LRRC53: variants seen among roughly 807,000 people sequenced by gnomAD.
LRRC53 encodes leucine-rich repeat-containing protein 53.
A neutral mutation model predicts 13.6 loss-of-function variants in LRRC53; 25 were observed. The observed-to-expected ratio is 1.83, with a 90% confidence interval of 1.34 to 2.56. The LOEUF (loss-of-function observed/expected upper bound fraction) is 2.56. Ranked by LOEUF, LRRC53 falls within the 30% of genes most tolerant of loss-of-function variation. LRRC53 has a pLI of 0.00. For missense variants in LRRC53, 527 were observed against 275.8 expected (o/e 1.91, Z -6.45); for synonymous variants, 204 against 109.8 (o/e 1.86, Z -5.37).
chr1:74,528,396 G>A, the LRRC53 span, among the ~76,000 whole-genome samples: 2 of 152,104 alleles, frequency 1.3e-5, no homozygotes, highest in East Asian at 1.9e-4. Context: ...GGGAATAGGC[G>A]GGTAGGTGTC....
chr1:74,511,596 T>C (rs1368437389), intron 1 of LRRC53, among the ~76,000 whole-genome samples: 1 of 152,124 alleles, frequency 6.6e-6, no homozygotes, highest in African/African-American at 2.4e-5. Context: ...CTCTTATATA[T>C]TGAATCATGT....
At chr1:74,518,691 A>C in the LRRC53 span, among the ~76,000 whole-genome samples, 1 of 152,056 alleles carries the variant, frequency 6.6e-6, no homozygotes, top group African/African-American at 2.4e-5. Context: ...CTGTTTTTTA[A>C]GCTCAAAATT....
At chr1:74,515,762 A>T (rs1230088847), upstream of LRRC53, among the ~76,000 whole-genome samples, 1 of 152,222 alleles carries the variant, frequency 6.6e-6, no homozygotes, top group Non-Finnish European at 1.5e-5. Flanking sequence ...TAGGTCAAAA[A>T]ATAAGTATGA....
intron 4 of LRRC53, among the ~76,000 whole-genome samples, chr1:74,472,449 T>A (rs2100740642): frequency 6.6e-6 from 1 of 152,316 alleles, no homozygotes; most frequent in African/African-American, 2.4e-5. Flanking sequence ...GAGTTAGAAA[T>A]ATAAATGTTA....
intron 1 of LRRC53, among the ~76,000 whole-genome samples, chr1:74,505,299 G>C (rs1669836532): frequency 6.6e-6 from 1 of 152,180 alleles, no homozygotes; most frequent in Admixed American, 6.5e-5. Context: ...TATACAGGCA[G>C]CACTGTGTTC....
the LRRC53 span, among the ~76,000 whole-genome samples, chr1:74,525,128 G>C: frequency 6.6e-6 from 1 of 152,188 alleles, no homozygotes; most frequent in Non-Finnish European, 1.5e-5. Flanking sequence ...ATTGGGGAGA[G>C]AGAAGCTGAG....
chr1:74,518,836 CCTTA>C, the LRRC53 span, among the ~76,000 whole-genome samples: 3 of 142,462 alleles, frequency 2.1e-5, no homozygotes, highest in Admixed American at 2.0e-4. Context: ...AAACAAATTA[CCTTA>C]CTTTATTTTT....
the LRRC53 span, among the ~76,000 whole-genome samples, chr1:74,524,384 G>T: frequency 6.6e-6 from 1 of 152,194 alleles, no homozygotes; most frequent in Non-Finnish European, 1.5e-5. Context: ...ACCTGACACT[G>T]TGCGGACTCC....
chr1:74,488,845 C>T (rs1396759119), intron 1 of LRRC53, among the ~76,000 whole-genome samples: 1 of 152,152 alleles, frequency 6.6e-6, no homozygotes, highest in Non-Finnish European at 1.5e-5. Flanking sequence ...TTACAAGGCA[C>T]TGAGATAGTT....
chr1:74,519,110 C>A, the LRRC53 span, among the ~76,000 whole-genome samples: 1 of 94,158 alleles, frequency 1.1e-5, no homozygotes, highest in Admixed American at 1.1e-4. Flanking sequence ...TCAATTCCCA[C>A]CTATGAGTGA....
chr1:74,507,196 C>G (rs1316540514), intron 1 of LRRC53, among the ~76,000 whole-genome samples: 2 of 150,164 alleles, frequency 1.3e-5, no homozygotes, highest in Admixed American at 1.3e-4. Flanking sequence ...AAATATCACA[C>G]ATGATGAGCA....
rs79667968 is a variant in LRRC53, at chr1:74,497,474, A to G, written c.-26-14099T>C. 7.9e-3 allele frequency among the ~76,000 whole-genome samples: 1,208 copies of G among 152,084 alleles called. 17 individuals carry two copies. The highest frequency in any genetic ancestry group is 0.028 in the African/African-American group (1,148 of 41,478). On this transcript the variant is annotated intron_variant, in intron 1 of 4. Transcript: ENST00000294635. The stretch of plus-strand genomic sequence containing the variant: ...CAATTTCAGCACCTTGCTCATGACC[A>G]CTGTAAATGTTCTCAAACATTGCTT...
At chr1:74,510,565 T>TA (rs1363285512) in intron 1 of LRRC53, among the ~76,000 whole-genome samples, 58 of 152,318 alleles carry the variant, frequency 3.8e-4, no homozygotes, top group African/African-American at 1.3e-3. Context: ...CTTGAATTTT[T>TA]AAAAAATTAT....
the LRRC53 span, among the ~76,000 whole-genome samples, chr1:74,525,551 AT>A: frequency 6.6e-6 from 1 of 152,236 alleles, no homozygotes; most frequent in Non-Finnish European, 1.5e-5. Context: ...AACCAAATTT[AT>A]TTTTAAAATA....
intron 4 of LRRC53, among the ~76,000 whole-genome samples, chr1:74,474,044 T>C (rs1668066210): frequency 6.6e-6 from 1 of 152,146 alleles, no homozygotes; most frequent in South Asian, 2.1e-4. Context: ...ATGCCTGGCA[T>C]AGAGCAGAAT....
chr1:74,480,314 C>T lies in LRRC53; in HGVS notation c.743G>A (p.Cys248Tyr), dbSNP rs1312272933. 1.4e-6 allele frequency: 1 copy of T among 717,622 alleles called. No homozygotes were observed. Among genetic ancestry groups the T allele is most frequent in the Admixed American group, 2.0e-5 (1 of 49,996 alleles). The allele number at this position is 717,622 out of a possible 1,614,324, so 44.5% of individuals were successfully genotyped here. The part of the protein sequence containing the change: ...HTLRNAKDLN[C>Y]QPSTAAVAAA... ...TGCCACAGCTGCGGTAGATGGCTGG[C>T]AATTTAGGTCCTTGGCATTCCTGAG... Residue 248 changes from cysteine to tyrosine, a missense_variant, in exon 3 of 5, where the codon TGC becomes TAC. Transcript: ENST00000294635.
At chr1:74,479,306 A>G (rs1668359543) in intron 3 of LRRC53, among the ~76,000 whole-genome samples, 1 of 152,236 alleles carries the variant, frequency 6.6e-6, no homozygotes, top group Admixed American at 6.5e-5. Flanking sequence ...ACTAAGTGTC[A>G]TTTTATATTA....
chr1:74,527,693 T>C, the LRRC53 span, among the ~76,000 whole-genome samples: 5 of 152,092 alleles, frequency 3.3e-5, no homozygotes, highest in East Asian at 1.9e-4. Context: ...CACTGAGGGA[T>C]TGGAATCAGG....
chr1:74,519,526 G>T, the LRRC53 span, among the ~76,000 whole-genome samples: 487 of 125,692 alleles, frequency 3.9e-3, 92 homozygotes, highest in African/African-American at 0.02. Context: ...CTATTTCTCC[G>T]CATCCTCTCC....
Sources: allele counts gnomAD v4.1 joint callset (sites outside exome capture counted in the v4.1 genomes callset), GRCh38; gene constraint gnomAD v4.1.1; transcripts MANE v1.5; gene names NCBI Gene and HGNC (gene_info 2026-07-23, HGNC 2026-07-21).